The following POU3F2 variants were observed in gnomAD, a reference collection of about 807,000 sequenced individuals.
POU3F2 encodes the protein POU domain, class 3, transcription factor 2.
A neutral mutation model predicts 33.1 loss-of-function variants in POU3F2; 11 were observed. The ratio of observed to expected loss-of-function variants is 0.33; its 90% CI spans 0.21 to 0.55. The LOEUF (loss-of-function observed/expected upper bound fraction) is 0.55. Ranked by LOEUF, POU3F2 falls within the 20% of genes least tolerant of loss-of-function variation. POU3F2 has a pLI of 0.91. For missense variants in POU3F2, 456 were observed against 620.2 expected, an observed-to-expected ratio of 0.74 and a Z score of 2.81; for synonymous variants, 332 against 289.6, an observed-to-expected ratio of 1.15 and a Z score of -1.49.
chr6:98,836,342 GAC>G lies in POU3F2; in HGVS notation c.*139_*140del. ...TTATTATTTCCCCGTCCCTTAAAAA[GAC>G]AAAAAAAATAAGGCAAAAGGAAAGC... On this transcript the variant is annotated 3_prime_UTR_variant, in exon 1 of 1. Coordinates refer to ENST00000328345, the MANE Select transcript of POU3F2 (RefSeq NM_005604.4). 1.7e-6 allele frequency: 2 copies of G among 1,186,076 alleles called. No individual in the cohort carries two copies. Among genetic ancestry groups the G allele is most frequent in the Middle Eastern group, 2.9e-4 (1 of 3,486 alleles). 73.5% of individuals were successfully genotyped at this position (1,186,076 alleles called of 1,614,324 possible). A position where few individuals can be genotyped will look rare whatever the true frequency, so the allele number is the denominator to read the frequency against.
At position 98,835,038 on chromosome 6, in the gene POU3F2, C is replaced by CT; in HGVS notation, c.165_166insT (p.Ser56Ter). The CT allele has an allele frequency of 6.6e-7, 1 of 1,512,428 alleles. No individual in the cohort carries two copies. The highest frequency in any genetic ancestry group is 8.8e-7 in the Non-Finnish European group (1 of 1,136,202). 93.7% of individuals were successfully genotyped at this position (1,512,428 alleles called of 1,614,324 possible). Reference sequence around the variant, plus strand: ...CTCTGCAGAGCAACGGACACCCGCTCAGCCACGCTCACCAGTGGATCACCG... The same window carrying CT: ...CTCTGCAGAGCAACGGACACCCGCTCTAGCCACGCTCACCAGTGGATCACCG... On this transcript the variant is annotated frameshift_variant, in exon 1 of 1. Transcript: ENST00000328345. LOFTEE classifies it high-confidence loss of function. The surrounding 1 kb of genome is among the most constrained non-coding windows in gnomAD (Gnocchi z 9.7).
At position 98,837,041 on chromosome 6, in the gene POU3F2, G is replaced by T. The variant is rs1770008602; in HGVS notation, c.*836G>T. ...ACAATTCTCTGATTTCAGGAAATGT[G>T]CATGGTCTACCCGCTTTATCGAAGG... On this transcript the variant is annotated 3_prime_UTR_variant, in exon 1 of 1. Transcript: ENST00000328345. 1 of 167,126 alleles carries T rather than the reference G, an allele frequency of 6.0e-6. No homozygotes were observed. The highest frequency in any genetic ancestry group is 2.4e-5 in the African/African-American group (1 of 41,456). 10.4% of individuals were successfully genotyped at this position (167,126 alleles called of 1,614,324 possible).
chr6:98,838,978 C>T lies in POU3F2; in HGVS notation c.*2773C>T, dbSNP rs1215999551. On this transcript the variant is annotated 3_prime_UTR_variant, in exon 1 of 1. Transcript: ENST00000328345. ...TGCATATACTGCCAGATTTGATGTT[C>T]ATAACTTTCAGAGGCTTTTTTTTTT... The T allele has an allele frequency of 6.7e-6, 1 of 149,330 alleles. No individual in the cohort carries two copies. Among genetic ancestry groups the T allele is most frequent in the Non-Finnish European group, 1.5e-5 (1 of 67,524 alleles). The allele number at this position is 149,330 out of a possible 1,614,324, so 9.3% of individuals were successfully genotyped here.
In POU3F2 at chr6:98,835,907, T is replaced by C; in HGVS notation, c.1034T>C (p.Ile345Thr). The change falls in exon 1 of 1, where the codon ATA becomes ACA. Residue 345 changes from isoleucine to threonine, a missense_variant. This residue lies in a region of POU3F2 where 48 missense variants were observed against 96.0 expected (regional missense o/e 0.50). Transcript: ENST00000328345. The surrounding 1 kb of genome is among the most constrained non-coding windows in gnomAD (Gnocchi z 9.7). ...TCGTCCTCGGGCAGCCCCACGAGCA[T>C]AGACAAGATCGCAGCGCAAGGGCGC... ...ADSSSGSPTS[I>T]DKIAAQGRKR... The C allele has an allele frequency of 1.9e-6, 3 of 1,614,076 alleles. No individual in the cohort carries two copies. Among genetic ancestry groups the C allele is most frequent in the Non-Finnish European group, 2.5e-6 (3 of 1,180,026 alleles).
Position 98,835,642 on chromosome 6 carries a change from G to C in POU3F2, c.769G>C (p.Asp257His). 1 of 1,612,910 alleles carries C rather than the reference G, an allele frequency of 6.2e-7. No individual in the cohort carries two copies. The highest frequency in any genetic ancestry group is 8.5e-7 in the Non-Finnish European group (1 of 1,179,802). ...GCCTGGCCACCCAGGCGCGCACCAC[G>C]ACCCGCACTCGGACGAGGACACGCC... ...GPPGHPGAHH[D>H]PHSDEDTPTS... The change falls in exon 1 of 1, where the codon GAC becomes CAC. Residue 257 changes from aspartate (D) to histidine (H), a missense_variant. Around this residue, in one of 6 missense-constraint regions of POU3F2, gnomAD observed 341 missense variants for 382.4 expected, o/e 0.89. Coordinates refer to ENST00000328345, the MANE Select transcript of POU3F2 (RefSeq NM_005604.4). This position sits in a 1 kb window ranked among gnomAD's most constrained non-coding sequence, Gnocchi z 9.7.
rs751804272 is a variant in POU3F2 at position 98,834,870 on chromosome 6, A to T, written c.-4A>T. ...CCGGAGCGCTCAGTCCGGCTCCGAG[A>T]GTCATGGCGACCGCAGCGTCTAACC... On this transcript the variant is annotated 5_prime_UTR_variant, in exon 1 of 1. Coordinates refer to ENST00000328345, the MANE Select transcript of POU3F2 (RefSeq NM_005604.4). 1.9e-6 allele frequency: 3 copies of T among 1,596,498 alleles called. No homozygotes were observed. The highest frequency in any genetic ancestry group is 8.5e-7 in the Non-Finnish European group (1 of 1,178,186).
At position 98,835,566 on chromosome 6, in the gene POU3F2, G is replaced by C. The variant is rs756884771; in HGVS notation, c.693G>C (p.Pro231=). Residue 231 remains proline, a synonymous_variant, in exon 1 of 1, where the codon CCG becomes CCC. Coordinates refer to ENST00000328345, the MANE Select transcript of POU3F2 (RefSeq NM_005604.4). This position sits in a 1 kb window ranked among gnomAD's most constrained non-coding sequence, Gnocchi z 9.7. Reference sequence around the variant, plus strand: ...ACCATGCCGACCACCACCCGCACCCGCACTCGCACCCACACCAGCAGCCGC... The same window carrying C: ...ACCATGCCGACCACCACCCGCACCCCCACTCGCACCCACACCAGCAGCCGC... ...EPHHADHHPH[P]HSHPHQQPPP... The C allele has an allele frequency of 6.3e-7, 1 of 1,594,768 alleles. No individual in the cohort carries two copies. The highest frequency in any genetic ancestry group is 8.5e-7 in the Non-Finnish European group (1 of 1,174,236).
At position 98,836,307 on chromosome 6, in the gene POU3F2, T is replaced by C; in HGVS notation, c.*102T>C. ...CCCTCTCTAACTTCTGATTGTTCTT[T>C]TATTTTTAATTATTATTTCCCCGTC... On this transcript the variant is annotated 3_prime_UTR_variant, in exon 1 of 1. Transcript: ENST00000328345. The C allele has an allele frequency of 3.0e-6, 4 of 1,322,666 alleles. No individual in the cohort carries two copies. The highest frequency in any genetic ancestry group is 4.0e-6 in the Non-Finnish European group (4 of 1,004,376). The allele number at this position is 1,322,666 out of a possible 1,614,324, so 81.9% of individuals were successfully genotyped here.
In POU3F2 at chr6:98,835,257, TCAGCAGCAGCAA is replaced by T. The variant is rs1769978263; in HGVS notation, c.390_401del (p.Gln146_Gln149del). The T allele has an allele frequency of 1.9e-6, 3 of 1,542,212 alleles. No individual in the cohort carries two copies. Among genetic ancestry groups the T allele is most frequent in the South Asian group, 1.2e-5 (1 of 83,368 alleles). ...GGCCAGGCGCCCTGCAGCAGCAGCA[TCAGCAGCAGCAA>T]CAGCAACAGCAGCAGCAACAGCAGC... On this transcript the variant is annotated inframe_deletion, in exon 1 of 1. Coordinates refer to ENST00000328345, the MANE Select transcript of POU3F2 (RefSeq NM_005604.4). The surrounding 1 kb of genome is among the most constrained non-coding windows in gnomAD (Gnocchi z 9.7).
In POU3F2 at chr6:98,836,394, A is replaced by C. The variant is rs1463155146; in HGVS notation, c.*189A>C. ...CAACTAAGACACTGGACTATCCTTT[A>C]AAGGTAGCAGGTGTAATGATGTGTT... is the stretch of plus-strand genomic sequence containing the variant. On this transcript the variant is annotated 3_prime_UTR_variant, in exon 1 of 1. Coordinates refer to ENST00000328345, the MANE Select transcript of POU3F2 (RefSeq NM_005604.4). 1 of 710,810 alleles carries C rather than the reference A, an allele frequency of 1.4e-6. No individual in the cohort carries two copies. Among genetic ancestry groups the C allele is most frequent in the African/African-American group, 1.9e-5 (1 of 53,592 alleles). The allele number at this position is 710,810 out of a possible 1,614,324, so 44.0% of individuals were successfully genotyped here.
In POU3F2 at chr6:98,836,148, G is replaced by A. The variant is rs540000118; in HGVS notation, c.1275G>A (p.Val425=). 2.5e-6 allele frequency: 4 copies of A among 1,603,568 alleles called. No homozygotes were observed. Among genetic ancestry groups the A allele is most frequent in the Non-Finnish European group, 3.4e-6 (4 of 1,177,486 alleles). Residue 425 remains valine, a synonymous_variant, in exon 1 of 1, where the codon GTG becomes GTA. Transcript: ENST00000328345. ...PGGTLPGAED[V]YGGSRDTPPH... is the part of the protein sequence containing the mutation. ...GGACTCTGCCGGGCGCCGAGGATGT[G>A]TACGGGGGGAGTAGGGACACTCCAC...
chr6:98,834,991 C>A lies in POU3F2; in HGVS notation c.118C>A (p.Leu40Met). 6.3e-7 allele frequency: 1 copy of A among 1,596,634 alleles called. No homozygotes were observed. Among genetic ancestry groups the A allele is most frequent in the Non-Finnish European group, 8.5e-7 (1 of 1,177,596 alleles). The change falls in exon 1 of 1, where the codon CTG becomes ATG. Residue 40 changes from leucine (L) to methionine (M), a missense_variant. Leu to Met is a conservative substitution (Grantham distance 15). Transcript: ENST00000328345. Reference sequence around the variant, plus strand: ...GGGGGGCTACCGCGAAGCGCAGAGCCTGGTGCAGGGCGACTACGGCGCTCT... The same window carrying A: ...GGGGGGCTACCGCGAAGCGCAGAGCATGGTGCAGGGCGACTACGGCGCTCT... ...GAGGYREAQS[L>M]VQGDYGALQS... is the part of the protein sequence containing the mutation.
chr6:98,834,671 CGGGCGGGA>C lies in POU3F2; in HGVS notation c.-200_-193del. 1.7e-6 allele frequency: 1 copy of C among 600,248 alleles called. No individual in the cohort carries two copies. 37.2% of individuals were successfully genotyped at this position (600,248 alleles called of 1,614,324 possible). ...GAGAGGAGGAGAAAGAGAGCGAGGG[CGGGCGGGA>C]GGCGGCGGCGGCGGCAGCAGCAGCA... On this transcript the variant is annotated 5_prime_UTR_variant, in exon 1 of 1. Coordinates refer to ENST00000328345, the MANE Select transcript of POU3F2 (RefSeq NM_005604.4).
Position 98,835,404 on chromosome 6 carries a change from C to T in POU3F2, c.531C>T (p.Leu177=), listed in dbSNP as rs776972819. ...GGAGCGCGGCGGCTGCAGCGCACCT[C>T]CCACCCTCCATGGGAGCGTCCAACG... The part of the protein sequence containing the change: ...AWRSAAAAAH[L]PPSMGASNGG... Residue 177 remains leucine (L), a synonymous_variant, in exon 1 of 1, where the codon CTC becomes CTT. Coordinates refer to ENST00000328345, the MANE Select transcript of POU3F2 (RefSeq NM_005604.4). The surrounding 1 kb of genome is among the most constrained non-coding windows in gnomAD (Gnocchi z 9.7). 8.8e-6 allele frequency: 14 copies of T among 1,584,880 alleles called. No homozygotes were observed. The South Asian group carries it at 1.6e-4, about 18-fold the overall frequency.
chr6:98,835,590 G>T lies in POU3F2; in HGVS notation c.717G>T (p.Pro239=), dbSNP rs757962884. The change falls in exon 1 of 1, where the codon CCG becomes CCT. Residue 239 remains proline, a synonymous_variant. Coordinates refer to ENST00000328345, the MANE Select transcript of POU3F2 (RefSeq NM_005604.4). This position sits in a 1 kb window ranked among gnomAD's most constrained non-coding sequence, Gnocchi z 9.7. ...CGCACTCGCACCCACACCAGCAGCC[G>T]CCGCCCCCGCCGCCCCCGCAGGGTC... ...PHPHSHPHQQ[P]PPPPPPQGPP... is the part of the protein sequence containing the mutation. 6.9e-6 allele frequency: 11 copies of T among 1,604,014 alleles called. No individual in the cohort carries two copies. The East Asian group carries it at 2.5e-4, about 36-fold the overall frequency.
At position 98,834,709 on chromosome 6, in the gene POU3F2, TAGC is replaced by T; in HGVS notation, c.-162_-160del. 1 of 706,274 alleles carries T rather than the reference TAGC, an allele frequency of 1.4e-6. No individual in the cohort carries two copies. The highest frequency in any genetic ancestry group is 1.8e-5 in the South Asian group (1 of 54,102). The allele number at this position is 706,274 out of a possible 1,614,324, so 43.8% of individuals were successfully genotyped here. On this transcript the variant is annotated 5_prime_UTR_variant, in exon 1 of 1. Coordinates refer to ENST00000328345, the MANE Select transcript of POU3F2 (RefSeq NM_005604.4). ...GCGGCGGCGGCAGCAGCAGCAGTAA[TAGC>T]AGGAGCAGCAACAGAAGGCGTCGGA...
In POU3F2 at chr6:98,835,469, G is replaced by A; in HGVS notation, c.596G>A (p.Gly199Asp). 6.3e-7 allele frequency: 1 copy of A among 1,577,968 alleles called. No individual in the cohort carries two copies. Among genetic ancestry groups the A allele is most frequent in the Admixed American group, 1.7e-5 (1 of 57,802 alleles). ...LYSQPSFTVN[G>D]MLGAGGQPAG... ...TCGCAGCCCAGCTTCACGGTGAACG[G>A]CATGCTGGGCGCCGGCGGGCAGCCG... The change falls in exon 1 of 1, where the codon GGC becomes GAC. Residue 199 changes from glycine (G) to aspartate (D), a missense_variant. Physicochemically the swap from Gly to Asp is moderately conservative, Grantham distance 94. This residue lies in a region of POU3F2 where 341 missense variants were observed against 382.4 expected (regional missense o/e 0.89). Coordinates refer to ENST00000328345, the MANE Select transcript of POU3F2 (RefSeq NM_005604.4). The surrounding 1 kb of genome is among the most constrained non-coding windows in gnomAD (Gnocchi z 9.7).
In POU3F2 at chr6:98,839,373, T is replaced by G. The variant is rs1050036143; in HGVS notation, c.*3168T>G. On this transcript the variant is annotated 3_prime_UTR_variant, in exon 1 of 1. Transcript: ENST00000328345. ...ATCTCTTAACAAAGAATAACCCTGA[T>G]AGTATACTATTGTGAGTTTACTAAA... 8 of 152,372 alleles carry G rather than the reference T, an allele frequency of 5.3e-5. No individual in the cohort carries two copies. The highest frequency in any genetic ancestry group is 3.4e-3 in the Middle Eastern group (1 of 294). 9.4% of individuals were successfully genotyped at this position (152,372 alleles called of 1,614,324 possible).
chr6:98,837,944 T>C lies in POU3F2; in HGVS notation c.*1739T>C, dbSNP rs1770022181. On this transcript the variant is annotated 3_prime_UTR_variant, in exon 1 of 1. Coordinates refer to ENST00000328345, the MANE Select transcript of POU3F2 (RefSeq NM_005604.4). ...TTAATCTTAAAAGTTTGGGGGTTTTTTTCCAGTTAGGTATTAGATAAATTT... is the reference window on the plus strand; with the variant it reads ...TTAATCTTAAAAGTTTGGGGGTTTTCTTCCAGTTAGGTATTAGATAAATTT... The C allele has an allele frequency of 6.0e-6, 1 of 166,662 alleles. No individual in the cohort carries two copies. The highest frequency in any genetic ancestry group is 1.5e-5 in the Non-Finnish European group (1 of 68,108). 10.3% of individuals were successfully genotyped at this position (166,662 alleles called of 1,614,324 possible).
Sources: gnomAD v4.1 joint callset for allele counts on GRCh38, gnomAD v4.1.1 for gene constraint, gnomAD v4.1.1 regional missense constraint, Gnocchi (gnomAD v3.1) non-coding constraint, MANE v1.5 for transcripts, NCBI Gene and HGNC (gene_info 2026-07-23, HGNC 2026-07-21) for gene names.